CUX1: variants seen among roughly 807,000 people sequenced by gnomAD.
CUX1 encodes cut like homeobox 1.
CUX1 carries 31 observed loss-of-function variants against 158.8 expected under a neutral mutation model. The ratio of observed to expected loss-of-function variants is 0.20; its 90% CI spans 0.15 to 0.26. The LOEUF is 0.26. Ranked by LOEUF, CUX1 falls within the 10% of genes least tolerant of loss-of-function variation. CUX1 has a pLI of 1.00. For synonymous variants in CUX1, 879 were observed against 862.1 expected (o/e 1.02, Z -0.34); for missense variants, 1,589 against 2,014.6 (o/e 0.79, Z 4.04).
chr7:102,111,920 G>A (rs543097974), intron 7 of CUX1, 146 bp downstream of exon 7: 18 of 636,068 alleles, frequency 2.8e-5, no homozygotes, highest in African/African-American at 2.2e-4. Flanking sequence ...GAAGAATTCC[G>A]CAGCACGCCC....
chr7:102,206,495 A>T (rs1244316887), intron 20 of CUX1, among the ~76,000 whole-genome samples: 1 of 151,948 alleles, frequency 6.6e-6, no homozygotes, highest in Non-Finnish European at 1.5e-5. Flanking sequence ...GTTAGCCTTG[A>T]CCCCCTGCTC....
At chr7:102,168,918 C>CTTTTTTTTTTTTTTTTTTTTTTTTTTTT (rs1239519322) in intron 9 of CUX1, among the ~76,000 whole-genome samples, 2 of 84,134 alleles carry the variant, frequency 2.4e-5, no homozygotes, top group Non-Finnish European at 4.5e-5. Flanking sequence ...CTTTTATTTT[C>CTTTTTTTTTTTTTTTTTTTTTTTTTTTT]TTTTCTTTTC....
chr7:102,145,707 G>A (rs1180829455), intron 8 of CUX1, among the ~76,000 whole-genome samples: 1 of 152,152 alleles, frequency 6.6e-6, no homozygotes, highest in Non-Finnish European at 1.5e-5. Context: ...AACACTTTGG[G>A]AGGCCGAGGT....
chr7:101,863,393 C>T (rs1305304551), intron 1 of CUX1, among the ~76,000 whole-genome samples: 1 of 151,014 alleles, frequency 6.6e-6, no homozygotes, highest in East Asian at 1.9e-4. Flanking sequence ...TTCTGTCGCC[C>T]AGGCTGGAGT....
intron 3 of CUX1, among the ~76,000 whole-genome samples, chr7:102,039,248 G>A (rs558344247): frequency 1.6e-4 from 25 of 152,276 alleles, no homozygotes; most frequent in African/African-American, 6.0e-4. Flanking sequence ...AGGATTCCAA[G>A]TCACACAGGT....
chr7:102,248,394 C>G lies in CUX1; in HGVS notation c.3888-18C>G. ...CAGCAGCACCCCCCTCACGTCCCCG[C>G]CGCTTGTTGTCTTGTAGGTCTCGGA... On this transcript the variant is annotated intron_variant, in intron 23 of 23. Coordinates refer to ENST00000292535, the MANE Select transcript of CUX1 (RefSeq NM_181552.4). This position sits in a 1 kb window ranked among gnomAD's most constrained non-coding sequence, Gnocchi z 5.8. 1 of 1,576,366 alleles carries G rather than the reference C, an allele frequency of 6.3e-7. No individual in the cohort carries two copies. The highest frequency in any genetic ancestry group is 8.6e-7 in the Non-Finnish European group (1 of 1,167,650).
At position 102,256,418 on chromosome 7, in the gene CUX1, T is replaced by C; in HGVS notation, c.*7376T>C. The C allele has an allele frequency of 8.1e-6, 8 of 985,424 alleles. No homozygotes were observed. Among genetic ancestry groups the C allele is most frequent in the Non-Finnish European group, 9.6e-6 (8 of 829,934 alleles). 61.0% of individuals were successfully genotyped at this position (985,424 alleles called of 1,614,324 possible). Reference sequence around the variant, plus strand: ...TTTGTGTTTTGTTGTCATAAATGCTTTTTGCTGTCACTCTAGTGGTTACTA... The same window carrying C: ...TTTGTGTTTTGTTGTCATAAATGCTCTTTGCTGTCACTCTAGTGGTTACTA... On this transcript the variant is annotated 3_prime_UTR_variant, in exon 24 of 24. Transcript: ENST00000292535.
Position 102,165,435 on chromosome 7 carries a change from C to A in CUX1, c.724-5011C>A, listed in dbSNP as rs539033986. ...TGGCGTGATCTTGACTCACTGCACC[C>A]TCCCCCTCCCAGATTCAAGCAATTC... On this transcript the variant is annotated intron_variant, in intron 9 of 23. Transcript: ENST00000292535. Among the ~76,000 whole-genome samples, 103 of 150,724 alleles carry A rather than the reference C, an allele frequency of 6.8e-4. 2 individuals carry two copies. In the South Asian group the frequency reaches 0.02, roughly 29 times the overall value.
chr7:102,224,650 A>G (rs1798168314), intron 20 of CUX1, among the ~76,000 whole-genome samples: 1 of 152,172 alleles, frequency 6.6e-6, no homozygotes, highest in Admixed American at 6.5e-5. Context: ...GGACACCTGT[A>G]ACAGTAGTGA....
chr7:102,223,989 C>G (rs529892126), intron 20 of CUX1, among the ~76,000 whole-genome samples: 1 of 152,270 alleles, frequency 6.6e-6, no homozygotes, highest in East Asian at 1.9e-4. Flanking sequence ...AAAAGAATGA[C>G]TTTCTCCCCA....
chr7:102,170,697 C>T, intron 10 of CUX1, 147 bp downstream of exon 10: 1 of 592,970 alleles, frequency 1.7e-6, no homozygotes, highest in Non-Finnish European at 2.9e-6. Flanking sequence ...TTTGCTTTGA[C>T]CAATTGGGGG....
chr7:101,984,502 A>AC (rs1194367244), intron 2 of CUX1, among the ~76,000 whole-genome samples: 15 of 151,254 alleles, frequency 9.9e-5, no homozygotes, highest in Non-Finnish European at 1.6e-4. Flanking sequence ...CCGGCAAAAA[A>AC]AAAAAAAAAA....
chr7:101,827,220 A>G (rs1006160020), intron 1 of CUX1, among the ~76,000 whole-genome samples: 3 of 136,084 alleles, frequency 2.2e-5, no homozygotes, highest in Non-Finnish European at 4.9e-5. Context: ...AAATCCACGT[A>G]TAACTTTTTT....
chr7:101,949,570 G>A (rs774284916), intron 2 of CUX1, among the ~76,000 whole-genome samples: 11 of 140,772 alleles, frequency 7.8e-5, no homozygotes, highest in Non-Finnish European at 1.5e-4. Context: ...TCACTCTGTC[G>A]CCCAGGCTGG....
At chr7:102,215,049 G>A (rs1219641309) in intron 20 of CUX1, among the ~76,000 whole-genome samples, 3 of 152,090 alleles carry the variant, frequency 2.0e-5, no homozygotes, top group Non-Finnish European at 2.9e-5. Flanking sequence ...AACCCAGGAG[G>A]CTGAGGAGAG....
chr7:102,277,198 T>A (rs803085), intron 17 of CUX1, among the ~76,000 whole-genome samples: 34,030 of 151,890 alleles, frequency 0.22, 4,710 homozygotes, highest in East Asian at 0.5. Flanking sequence ...CCTGGGAGGC[T>A]GAGATGGGAG....
intron 8 of CUX1, chr7:102,153,874 A>G (rs535982939): frequency 6.6e-6 from 1 of 152,554 alleles, no homozygotes; most frequent in African/African-American, 2.4e-5. Flanking sequence ...CCACAAAGAC[A>G]AAGCACCACA....
In CUX1 at chr7:102,243,674, T is replaced by TAAA. The variant is rs1410848997; in HGVS notation, c.3887+4092_3887+4093insAAA. Among the ~76,000 whole-genome samples the TAAA allele has an allele frequency of 5.0e-5, 7 of 140,740 alleles. No individual in the cohort carries two copies. In the South Asian group the frequency reaches 6.5e-4, roughly 13 times the overall value. 92.3% of individuals were successfully genotyped at this position (140,740 alleles called of 152,430 possible). Reference sequence around the variant, plus strand: ...ATAATAATAATAATAATAATAATAATAATAAAATAAATGAAGGAGAAGTGA... The same window carrying TAAA: ...ATAATAATAATAATAATAATAATAATAAAAATAAAATAAATGAAGGAGAAGTGA... On this transcript the variant is annotated intron_variant, in intron 23 of 23. Coordinates refer to ENST00000292535, the MANE Select transcript of CUX1 (RefSeq NM_181552.4).
intron 2 of CUX1, among the ~76,000 whole-genome samples, chr7:101,925,338 T>C (rs1293329762): frequency 6.6e-6 from 1 of 152,194 alleles, no homozygotes; most frequent in African/African-American, 2.4e-5. Context: ...CTCAAACTCC[T>C]GGCCTCAAAT....
Sources: gnomAD v4.1 joint callset for allele counts (sites outside exome capture counted in the v4.1 genomes callset) on GRCh38, gnomAD v4.1.1 for gene constraint, Gnocchi (gnomAD v3.1) non-coding constraint, MANE v1.5 for transcripts, NCBI Gene and HGNC (gene_info 2026-07-23, HGNC 2026-07-21) for gene names.